GLIS3: variants seen among roughly 807,000 people sequenced by gnomAD.
GLIS3 encodes the protein GLIS family zinc finger 3.
A neutral mutation model predicts 78.6 loss-of-function variants in GLIS3; 53 were observed. The ratio of observed to expected loss-of-function variants is 0.67; its 90% CI spans 0.54 to 0.85. The LOEUF (loss-of-function observed/expected upper bound fraction) is 0.85, where lower values mean the gene tolerates loss of function less well. Among genes scored for constraint, GLIS3 ranks in the 40% least tolerant of loss-of-function variants. The probability of loss-of-function intolerance (pLI) is 0.00; values close to 1 mark genes in which losing one functional copy is unlikely to be tolerated. For missense variants in GLIS3, 1,703 were observed against 1,231.1 expected, an observed-to-expected ratio of 1.38 and a Z score of -5.74; for synonymous variants, 684 against 509.9, an observed-to-expected ratio of 1.34 and a Z score of -4.60.
the GLIS3 span, among the ~76,000 whole-genome samples, chr9:4,435,731 T>C: frequency 0.056 from 8,462 of 151,920 alleles, 308 homozygotes; most frequent in East Asian, 0.14. Flanking sequence ...GGGCGGATCA[T>C]GAGGTCAGGA....
chr9:4,060,993 G>A (rs1293543434), intron 4 of GLIS3, among the ~76,000 whole-genome samples: 1 of 151,816 alleles, frequency 6.6e-6, no homozygotes, highest in Non-Finnish European at 1.5e-5. Flanking sequence ...TCTCTTGCAT[G>A]CTTCCAATAC....
At chr9:4,182,106 A>G (rs1817380065) in intron 2 of GLIS3, among the ~76,000 whole-genome samples, 1 of 152,242 alleles carries the variant, frequency 6.6e-6, no homozygotes, top group Non-Finnish European at 1.5e-5. Flanking sequence ...CGAGAAGACA[A>G]GCAAAGAATA....
At chr9:4,265,715 T>C (rs930211264) in intron 2 of GLIS3, among the ~76,000 whole-genome samples, 1 of 152,168 alleles carries the variant, frequency 6.6e-6, no homozygotes, top group Non-Finnish European at 1.5e-5. Flanking sequence ...AGACCAAGTG[T>C]CATGTTAGGG....
At chr9:4,255,090 T>A (rs1293457370) in intron 2 of GLIS3, among the ~76,000 whole-genome samples, 1 of 152,118 alleles carries the variant, frequency 6.6e-6, no homozygotes, top group Non-Finnish European at 1.5e-5. Flanking sequence ...TATACAGATG[T>A]CACATAAGCA....
At chr9:4,321,461 A>AT (rs1817527462) in intron 2 of GLIS3, among the ~76,000 whole-genome samples, 2 of 141,006 alleles carry the variant, frequency 1.4e-5, no homozygotes, top group African/African-American at 5.4e-5. Context: ...AAAAAAAAAA[A>AT]AATCAGGTGC....
At chr9:3,866,839 G>C (rs1349201130) in intron 8 of GLIS3, among the ~76,000 whole-genome samples, 5 of 152,184 alleles carry the variant, frequency 3.3e-5, no homozygotes, top group African/African-American at 1.2e-4. Flanking sequence ...AGCTCTTGTG[G>C]TGTAGAGCAG....
intron 2 of GLIS3, among the ~76,000 whole-genome samples, chr9:4,227,405 T>C (rs926593794): frequency 4.6e-5 from 7 of 152,094 alleles, no homozygotes; most frequent in East Asian, 3.9e-4. Flanking sequence ...GCAGGACTTA[T>C]GGAAGAGGCA....
intron 2 of GLIS3, among the ~76,000 whole-genome samples, chr9:4,328,890 C>T (rs890002943): frequency 6.6e-6 from 1 of 152,180 alleles, no homozygotes; most frequent in Non-Finnish European, 1.5e-5. Context: ...AGGAGTGTGA[C>T]TCAGCTCCCA....
the GLIS3 span, among the ~76,000 whole-genome samples, chr9:4,428,809 A>G: frequency 2.0e-5 from 3 of 152,004 alleles, no homozygotes; most frequent in Non-Finnish European, 4.4e-5. Context: ...ACTTTTAGCT[A>G]AAAGGGAAAT....
At chr9:3,935,787 C>T (rs1271148887) in intron 5 of GLIS3, among the ~76,000 whole-genome samples, 2 of 151,942 alleles carry the variant, frequency 1.3e-5, no homozygotes, top group Admixed American at 6.6e-5. Flanking sequence ...TTTAGTGTTC[C>T]ATTTTATTGG....
At chr9:4,099,600 G>A (rs1830215859) in intron 4 of GLIS3, among the ~76,000 whole-genome samples, 2 of 152,136 alleles carry the variant, frequency 1.3e-5, no homozygotes, top group Admixed American at 6.5e-5. Flanking sequence ...CTGAGGTACT[G>A]GGGGTGATGA....
chr9:4,274,982 A>T (rs1360202770), intron 2 of GLIS3, among the ~76,000 whole-genome samples: 1 of 152,210 alleles, frequency 6.6e-6, no homozygotes, highest in Non-Finnish European at 1.5e-5. Flanking sequence ...TACGTCTTTC[A>T]TTATTCAAAT....
chr9:4,388,417 G>A, the GLIS3 span, among the ~76,000 whole-genome samples: 12 of 151,982 alleles, frequency 7.9e-5, no homozygotes, highest in South Asian at 2.1e-4. Context: ...GGTGGCTCAC[G>A]CCTGTAATCC....
intron 9 of GLIS3, among the ~76,000 whole-genome samples, chr9:3,839,124 C>G (rs538912980): frequency 6.6e-6 from 1 of 152,264 alleles, no homozygotes; most frequent in East Asian, 1.9e-4. Context: ...GTCCTGTAAG[C>G]AGGTACTTCA....
intron 6 of GLIS3, among the ~76,000 whole-genome samples, chr9:3,905,180 TG>T (rs1402180637): frequency 8.1e-6 from 1 of 123,534 alleles, no homozygotes; most frequent in Non-Finnish European, 1.6e-5. Flanking sequence ...TTAGTAGAGA[TG>T]GGGTTTCACC....
chr9:4,251,445 T>G (rs1286995386), intron 2 of GLIS3, among the ~76,000 whole-genome samples: 4 of 102,718 alleles, frequency 3.9e-5, no homozygotes, highest in Non-Finnish European at 6.5e-5. Flanking sequence ...TTTTTTTTTT[T>G]GCTTTCCATT....
chr9:4,207,307 C>T (rs1391306492), intron 2 of GLIS3, among the ~76,000 whole-genome samples: 2 of 152,200 alleles, frequency 1.3e-5, no homozygotes, highest in Non-Finnish European at 2.9e-5. Context: ...AAAATATTTA[C>T]AACAGCCAGC....
In GLIS3 at chr9:3,828,352, C is replaced by G; in HGVS notation, c.2713G>C (p.Ala905Pro). ...ATCTGCAAGAAGGTAGCATCTTCAGCCCCGCTGCGGAGAGACTCCCCAAAG... is the reference window on the plus strand; with the variant it reads ...ATCTGCAAGAAGGTAGCATCTTCAGGCCCGCTGCGGAGAGACTCCCCAAAG... Reference protein sequence around the residue: ...SLFGESLRSGAEDATFLQIST... With the variant: ...SLFGESLRSGPEDATFLQIST... Residue 905 changes from alanine (A) to proline (P), a missense_variant, in exon 11 of 11, where the codon GCT becomes CCT. Ala to Pro is a conservative substitution (Grantham distance 27, BLOSUM62 -1). Transcript: ENST00000381971. The G allele has an allele frequency of 6.2e-7, 1 of 1,613,920 alleles. No homozygotes were observed. Among genetic ancestry groups the G allele is most frequent in the Non-Finnish European group, 8.5e-7 (1 of 1,180,022 alleles).
the GLIS3 span, among the ~76,000 whole-genome samples, chr9:4,480,655 C>T: frequency 2.6e-5 from 4 of 152,092 alleles, no homozygotes; most frequent in South Asian, 6.2e-4. Context: ...CCTCAGCATA[C>T]GAACGCCTTG....
Sources: gnomAD v4.1 joint callset for allele counts (sites outside exome capture counted in the v4.1 genomes callset) on GRCh38, gnomAD v4.1.1 for gene constraint, MANE v1.5 for transcripts, NCBI Gene and HGNC (gene_info 2026-07-23, HGNC 2026-07-21) for gene names.